The following KCNN2 variants were observed in gnomAD, a reference collection of about 807,000 sequenced individuals.
KCNN2 encodes small conductance calcium-activated potassium channel protein 2.
Under a neutral mutation model 55.5 loss-of-function variants are expected in KCNN2, and 24 were observed. The observed-to-expected ratio is 0.43, with a 90% confidence interval of 0.31 to 0.61. The LOEUF (loss-of-function observed/expected upper bound fraction) is 0.61, where lower values mean the gene tolerates loss of function less well. KCNN2 is among the 20% of genes least tolerant of loss of function. KCNN2 has a pLI of 0.08. For missense variants in KCNN2, 754 were observed against 853.6 expected (o/e 0.88, Z 1.45); for synonymous variants, 431 against 336.1 (o/e 1.28, Z -3.09).
At chr5:114,109,339 T>C (rs143020828) in intron 1 of KCNN2, among the ~76,000 whole-genome samples, 1 of 152,204 alleles carries the variant, frequency 6.6e-6, no homozygotes, top group Non-Finnish European at 1.5e-5. Flanking sequence ...AGTTACCATC[T>C]TATGTAACAT....
At chr5:114,393,473 G>C (rs1758516465) in intron 2 of KCNN2, among the ~76,000 whole-genome samples, 3 of 151,854 alleles carry the variant, frequency 2.0e-5, no homozygotes, top group Admixed American at 2.0e-4. Context: ...GATTTATTTG[G>C]ATGTCTGACA....
At chr5:114,265,208 G>T (rs993509134) in intron 2 of KCNN2, among the ~76,000 whole-genome samples, 1 of 148,840 alleles carries the variant, frequency 6.7e-6, no homozygotes, top group Non-Finnish European at 1.5e-5. Context: ...TCAGAAAACT[G>T]ACCTCTTCTT....
At chr5:114,483,969 C>CATTGATCCATTTAGAGCTTAGATGAAGGG (rs1762342787) in intron 5 of KCNN2, among the ~76,000 whole-genome samples, 1 of 152,100 alleles carries the variant, frequency 6.6e-6, no homozygotes, top group Non-Finnish European at 1.5e-5. Context: ...AGTGGAAATG[C>CATTGATCCATTTAGAGCTTAGATGAAGGG]ATTGATCCAT....
At chr5:114,288,101 G>A (rs923620485) in intron 2 of KCNN2, among the ~76,000 whole-genome samples, 22 of 152,104 alleles carry the variant, frequency 1.4e-4, no homozygotes, top group African/African-American at 4.8e-4. Flanking sequence ...TATACAACGT[G>A]TGCTCTTTTG....
intron 1 of KCNN2, among the ~76,000 whole-genome samples, chr5:114,120,208 C>A (rs1751799141): frequency 6.6e-6 from 1 of 152,066 alleles, no homozygotes; most frequent in African/African-American, 2.4e-5. Flanking sequence ...AAATGTGCTT[C>A]AGGCTTCAAT....
chr5:114,396,932 G>A (rs913405435), intron 2 of KCNN2, among the ~76,000 whole-genome samples: 2 of 152,052 alleles, frequency 1.3e-5, no homozygotes, highest in African/African-American at 4.8e-5. Context: ...GCGTCCATGT[G>A]TACTCAGTGA....
At chr5:114,387,029 A>G (rs1561600914) in intron 2 of KCNN2, among the ~76,000 whole-genome samples, 1 of 152,228 alleles carries the variant, frequency 6.6e-6, no homozygotes, top group Admixed American at 6.5e-5. Flanking sequence ...TTTAGGGTAG[A>G]AAAAAATGGA....
chr5:114,258,336 T>C (rs1356319156), intron 2 of KCNN2, among the ~76,000 whole-genome samples: 1 of 152,142 alleles, frequency 6.6e-6, no homozygotes, highest in Non-Finnish European at 1.5e-5. Flanking sequence ...CTGGCTCTGG[T>C]ATTAGGGTGA....
At chr5:114,429,550 T>C (rs1303078229) in intron 3 of KCNN2, among the ~76,000 whole-genome samples, 1 of 152,132 alleles carries the variant, frequency 6.6e-6, no homozygotes. Context: ...TCTTGGATAC[T>C]CCCAGTCTGT....
intron 1 of KCNN2, among the ~76,000 whole-genome samples, chr5:114,076,289 G>A (rs773859362): frequency 3.9e-5 from 6 of 152,368 alleles, no homozygotes; most frequent in African/African-American, 7.2e-5. Flanking sequence ...TGGTACTAGA[G>A]ATGACAGCCT....
At chr5:114,242,370 A>G (rs1179459556) in intron 2 of KCNN2, among the ~76,000 whole-genome samples, 1 of 152,162 alleles carries the variant, frequency 6.6e-6, no homozygotes. Context: ...AGCTCATATA[A>G]TAGACAATGA....
In KCNN2 at chr5:114,493,513, A is replaced by C. The variant is rs547496624; in HGVS notation, c.2088+41A>C. Reference sequence around the variant, plus strand: ...TTAGCCCTCCTAGTTGCATCTGTTGAAATCAACCACTTCACAGTCACTAAT... The same window carrying C: ...TTAGCCCTCCTAGTTGCATCTGTTGCAATCAACCACTTCACAGTCACTAAT... On this transcript the variant is annotated intron_variant, in intron 7 of 7. Transcript: ENST00000673685. The C allele has an allele frequency of 2.3e-6, 3 of 1,318,960 alleles. No homozygotes were observed. The Admixed American group carries it at 5.0e-5, about 22-fold the overall frequency. The allele number at this position is 1,318,960 out of a possible 1,614,324, so 81.7% of individuals were successfully genotyped here.
chr5:114,362,678 C>A lies in KCNN2; in HGVS notation c.539C>A (p.Pro180His). ...AGCCTCGGCAGTCTGGGCTCCGGGC[C>A]CCCGCTCTCGCACCACCACCACCAC... is the stretch of plus-strand genomic sequence containing the variant. The part of the protein sequence containing the change: ...TGSLGSLGSG[P>H]PLSHHHHHPH... The change falls in exon 1 of 8, where the codon CCC (proline) becomes CAC (histidine). Residue 180 changes from proline to histidine, a missense_variant. By Grantham distance (77) the Pro-to-His change is moderately conservative. This residue lies in a region of KCNN2 where 381 missense variants were observed against 259.1 expected (regional missense o/e 1.47). Coordinates refer to ENST00000673685, the MANE Select transcript of KCNN2 (RefSeq NM_021614.4). 7.0e-7 allele frequency: 1 copy of A among 1,438,520 alleles called. No individual in the cohort carries two copies. Among genetic ancestry groups the A allele is most frequent in the Non-Finnish European group, 9.1e-7 (1 of 1,098,960 alleles). 89.1% of individuals were successfully genotyped at this position (1,438,520 alleles called of 1,614,324 possible).
At chr5:114,360,332 A>G (rs994108123), upstream of KCNN2, among the ~76,000 whole-genome samples, 1 of 152,218 alleles carries the variant, frequency 6.6e-6, no homozygotes, top group Non-Finnish European at 1.5e-5. Context: ...ATACCAGGTA[A>G]GCAACTTTAG....
intron 1 of KCNN2, among the ~76,000 whole-genome samples, chr5:114,125,455 T>A (rs1174446964): frequency 6.6e-6 from 1 of 152,088 alleles, no homozygotes; most frequent in African/African-American, 2.4e-5. Context: ...TTGTAGGGAG[T>A]GTTGCTCCCA....
At chr5:114,068,985 T>G (rs2112522276) in intron 1 of KCNN2, among the ~76,000 whole-genome samples, 1 of 152,254 alleles carries the variant, frequency 6.6e-6, no homozygotes, top group South Asian at 2.1e-4. Context: ...TGGCTAATTT[T>G]TGTATTTTTA....
At position 114,343,183 on chromosome 5, in the gene KCNN2, T is replaced by TACTGAAAG. The variant is rs1367918073; in HGVS notation, c.-184-17761_-184-17754dup. ...AGTGGGTCAGGAAATCAATCAGGAT[T>TACTGAAAG]ACTGAAAGTCTGAAGGCTTGCTAAT... On this transcript the variant is annotated intron_variant, in intron 2 of 10. Coordinates refer to the KCNN2 transcript ENST00000512097. 2.0e-5 allele frequency among the ~76,000 whole-genome samples: 3 copies of TACTGAAAG among 152,322 alleles called. No homozygotes were observed. In the East Asian group the frequency reaches 5.8e-4, roughly 29 times the overall value.
intron 2 of KCNN2, among the ~76,000 whole-genome samples, chr5:114,255,398 C>T (rs1245350859): frequency 6.6e-6 from 1 of 152,090 alleles, no homozygotes; most frequent in Non-Finnish European, 1.5e-5. Context: ...CTAAGGAGGG[C>T]ATTCTAATTA....
At chr5:114,077,113 A>G (rs915080044) in intron 1 of KCNN2, among the ~76,000 whole-genome samples, 4 of 152,222 alleles carry the variant, frequency 2.6e-5, no homozygotes, top group African/African-American at 9.6e-5. Context: ...GTATCCCTCT[A>G]TTTCAATGGC....
Sources: gnomAD v4.1 joint callset for allele counts (sites outside exome capture counted in the v4.1 genomes callset) on GRCh38, gnomAD v4.1.1 for gene constraint, gnomAD v4.1.1 regional missense constraint, MANE v1.5 for transcripts, NCBI Gene and HGNC (gene_info 2026-07-23, HGNC 2026-07-21) for gene names.